SLC35F4: variants seen among roughly 807,000 people sequenced by gnomAD.
SLC35F4 encodes the protein solute carrier family 35 member F4, also known as chromosome 14 open reading frame 36.
In SLC35F4, 24 loss-of-function variants were observed where a neutral mutation model predicts 44.2. That is an observed-to-expected ratio of 0.54 (90% CI 0.39 to 0.76). The LOEUF (loss-of-function observed/expected upper bound fraction) is 0.76. SLC35F4 is among the 30% of genes least tolerant of loss of function. SLC35F4 has a pLI of 0.00. For synonymous variants in SLC35F4, 238 were observed against 223.6 expected (o/e 1.06, Z -0.57); for missense variants, 562 against 586.1 (o/e 0.96, Z 0.42).
chr14:57,846,287 C>T (rs953616973), intron 1 of SLC35F4, among the ~76,000 whole-genome samples: 8 of 152,294 alleles, frequency 5.3e-5, no homozygotes, highest in African/African-American at 1.9e-4. Flanking sequence ...CTGCCAATTC[C>T]AAACCTCTTT....
chr14:57,939,920 G>A (rs916736157), intron 1 of SLC35F4, among the ~76,000 whole-genome samples: 1 of 152,184 alleles, frequency 6.6e-6, no homozygotes, highest in African/African-American at 2.4e-5. Context: ...ATGGGTAAAT[G>A]GTAGCTGGGT....
chr14:57,701,842 T>C (rs2075550060), intron 1 of SLC35F4, among the ~76,000 whole-genome samples: 2 of 152,200 alleles, frequency 1.3e-5, no homozygotes, highest in Non-Finnish European at 2.9e-5. Flanking sequence ...ACTCAAAATA[T>C]CTTACCGTAT....
intron 1 of SLC35F4, among the ~76,000 whole-genome samples, chr14:57,944,568 G>A (rs2141075126): frequency 6.6e-6 from 1 of 151,504 alleles, no homozygotes; most frequent in South Asian, 2.1e-4. Context: ...AGACCTTCAG[G>A]TATGAAAGTT....
chr14:57,611,767 C>G (rs1235651584), intron 1 of SLC35F4, among the ~76,000 whole-genome samples: 4 of 151,960 alleles, frequency 2.6e-5, no homozygotes, highest in Non-Finnish European at 5.9e-5. Context: ...GGAATGGAGG[C>G]AGGGGTTTGA....
intron 4 of SLC35F4, among the ~76,000 whole-genome samples, chr14:57,574,982 TTG>T (rs1419828738): frequency 6.6e-6 from 1 of 152,172 alleles, no homozygotes; most frequent in Non-Finnish European, 1.5e-5. Context: ...GCCTAAAATA[TTG>T]TGTCAAAAAT....
rs576297112 is a variant in SLC35F4, at chr14:57,886,909, G to A, written n.282+95004C>T. ...GGAAAGAGAAAGCATCCCTAACAAG[G>A]AAGGGAGCCTGAAAAACATCCCATG... On this transcript the variant is annotated intron_variant and non_coding_transcript_variant, in intron 1 of 1. Coordinates refer to the SLC35F4 transcript ENST00000556568. 5.3e-5 allele frequency among the ~76,000 whole-genome samples: 8 copies of A among 152,258 alleles called. No individual in the cohort carries two copies. In the East Asian group the frequency reaches 1.5e-3, roughly 29 times the overall value.
chr14:57,949,695 T>G (rs1223548463), intron 1 of SLC35F4, among the ~76,000 whole-genome samples: 1 of 152,216 alleles, frequency 6.6e-6, no homozygotes, highest in Non-Finnish European at 1.5e-5. Flanking sequence ...GAACTTCTTT[T>G]AGCATTTCTT....
intron 1 of SLC35F4, among the ~76,000 whole-genome samples, chr14:57,853,021 C>G (rs1300571589): frequency 6.6e-6 from 1 of 152,186 alleles, no homozygotes; most frequent in Non-Finnish European, 1.5e-5. Context: ...AATGTTCAAT[C>G]TCTGTTTAAA....
intron 1 of SLC35F4, among the ~76,000 whole-genome samples, chr14:57,844,703 G>A (rs1299393796): frequency 6.6e-6 from 1 of 152,122 alleles, no homozygotes; most frequent in Non-Finnish European, 1.5e-5. Context: ...CTGCCTTTTG[G>A]AAGCAAGATT....
chr14:57,906,192 G>C (rs1021838728), intron 1 of SLC35F4, among the ~76,000 whole-genome samples: 1 of 152,282 alleles, frequency 6.6e-6, no homozygotes, highest in Admixed American at 6.5e-5. Context: ...AGAGAGTGCA[G>C]AAATAATAAA....
intron 1 of SLC35F4, among the ~76,000 whole-genome samples, chr14:57,860,871 T>C (rs67749969): frequency 0.099 from 15,133 of 152,192 alleles, 1,162 homozygotes; most frequent in East Asian, 0.4. Flanking sequence ...TCTTCTCTGC[T>C]TACCAGGTTT....
chr14:57,821,625 C>A (rs1317203695), intron 1 of SLC35F4, among the ~76,000 whole-genome samples: 1 of 152,184 alleles, frequency 6.6e-6, no homozygotes, highest in Non-Finnish European at 1.5e-5. Flanking sequence ...CAACCATGAG[C>A]ACCTCAAGTA....
rs1001570125 is a variant in SLC35F4, at chr14:57,866,021, C to T, written c.-196G>A. 26 of 325,872 alleles carry T rather than the reference C, an allele frequency of 8.0e-5. 1 individual carries two copies. In the South Asian group the frequency reaches 2.2e-3, roughly 27 times the overall value. The allele number at this position is 325,872 out of a possible 1,614,324, so 20.2% of individuals were successfully genotyped here. On this transcript the variant is annotated 5_prime_UTR_variant, in exon 1 of 8. Coordinates refer to ENST00000556826, the MANE Select transcript of SLC35F4 (RefSeq NM_001306087.2). ...GCGGCGGCGGCGGCGGCGGAGCGGCCCCCACTCGGGCCGGCCTCTCCGTCA... is the reference window on the plus strand; with the variant it reads ...GCGGCGGCGGCGGCGGCGGAGCGGCTCCCACTCGGGCCGGCCTCTCCGTCA...
intron 1 of SLC35F4, among the ~76,000 whole-genome samples, chr14:57,702,443 G>C (rs1333993011): frequency 2.0e-5 from 3 of 151,500 alleles, no homozygotes; most frequent in Non-Finnish European, 2.9e-5. Flanking sequence ...TTCTGTTACA[G>C]TTGTGACTTG....
At position 57,781,534 on chromosome 14, in the gene SLC35F4, C is replaced by T. The variant is rs541844332; in HGVS notation, c.103+84189G>A. On this transcript the variant is annotated intron_variant, in intron 1 of 7. Coordinates refer to ENST00000556826, the MANE Select transcript of SLC35F4 (RefSeq NM_001306087.2). ...TCCTCAAAGAGCTAAAAGTGGAGCTCATATTTGACCCAGCAACTCATGACT... is the reference window on the plus strand; with the variant it reads ...TCCTCAAAGAGCTAAAAGTGGAGCTTATATTTGACCCAGCAACTCATGACT... Among the ~76,000 whole-genome samples the T allele has an allele frequency of 1.8e-4, 28 of 152,114 alleles. 1 individual carries two copies. The East Asian group carries it at 4.8e-3, about 26-fold the overall frequency.
intron 1 of SLC35F4, among the ~76,000 whole-genome samples, chr14:57,809,466 AC>A (rs1881721186): frequency 6.6e-6 from 1 of 152,106 alleles, no homozygotes; most frequent in African/African-American, 2.4e-5. Context: ...AGACTCCACG[AC>A]CCAGAAGAAC....
intron 1 of SLC35F4, among the ~76,000 whole-genome samples, chr14:57,895,415 T>C (rs1372049295): frequency 1.3e-5 from 2 of 152,136 alleles, no homozygotes; most frequent in African/African-American, 4.8e-5. Flanking sequence ...TTTGGATTTG[T>C]GTCCCTGCCC....
In SLC35F4 at chr14:57,744,606, G is replaced by A. The variant is rs181168174; in HGVS notation, c.103+121117C>T. ...ACAAACAAATGGAAGAAAATTCCAC[G>A]CTCATGGATAGGAAGAATCAATATC... On this transcript the variant is annotated intron_variant, in intron 1 of 7. Coordinates refer to ENST00000556826, the MANE Select transcript of SLC35F4 (RefSeq NM_001306087.2). Among the ~76,000 whole-genome samples the A allele has an allele frequency of 3.3e-5, 5 of 152,244 alleles. No homozygotes were observed. In the East Asian group the frequency reaches 5.8e-4, roughly 18 times the overall value.
intron 1 of SLC35F4, among the ~76,000 whole-genome samples, chr14:57,791,641 A>G (rs2140806655): frequency 6.6e-6 from 1 of 152,054 alleles, no homozygotes; most frequent in South Asian, 2.1e-4. Context: ...TATATACCCA[A>G]AGGATTATAA....
Sources: allele counts gnomAD v4.1 joint callset (sites outside exome capture counted in the v4.1 genomes callset), GRCh38; gene constraint gnomAD v4.1.1; transcripts MANE v1.5; gene names NCBI Gene and HGNC (gene_info 2026-07-23, HGNC 2026-07-21).